Variants in NEGR1 observed in about 807,000 individuals in gnomAD.
NEGR1 encodes the protein neuronal growth regulator 1, also known as IgLON family member 4.
A neutral mutation model predicts 40.9 loss-of-function variants in NEGR1; 10 were observed. The ratio of observed to expected loss-of-function variants is 0.24; its 90% CI spans 0.15 to 0.42. The LOEUF (loss-of-function observed/expected upper bound fraction) is 0.42, where lower values mean the gene tolerates loss of function less well. NEGR1 is among the 10% of genes least tolerant of loss of function. The pLI, the probability that NEGR1 is intolerant of heterozygous loss-of-function variation, is 1.00. For synonymous variants in NEGR1, 185 were observed against 166.8 expected (o/e 1.11, Z -0.84); for missense variants, 352 against 438.9 (o/e 0.80, Z 1.77).
At position 71,600,482 on chromosome 1, in the gene NEGR1, A is replaced by G. The variant is rs994287370; in HGVS notation, c.789-7514T>C. The stretch of plus-strand genomic sequence containing the variant: ...TGGTAGCTTTCCTGGAGAAGGTGAC[A>G]TCCCCAAGGAGACTGAAGGACTAGG... On this transcript the variant is annotated intron_variant, in intron 5 of 6. Transcript: ENST00000357731. Among the ~76,000 whole-genome samples, 5 of 152,292 alleles carry G rather than the reference A, an allele frequency of 3.3e-5. No homozygotes were observed. The East Asian group carries it at 9.7e-4, about 30-fold the overall frequency.
intron 1 of NEGR1, among the ~76,000 whole-genome samples, chr1:71,977,933 T>C (rs1646321252): frequency 6.6e-6 from 1 of 152,162 alleles, no homozygotes; most frequent in Non-Finnish European, 1.5e-5. Context: ...GTCTCCTCAG[T>C]TGCTGCTAAT....
chr1:71,972,817 G>A (rs1221524134), intron 1 of NEGR1, among the ~76,000 whole-genome samples: 1 of 152,062 alleles, frequency 6.6e-6, no homozygotes, highest in African/African-American at 2.4e-5. Context: ...TTCCCCAGTT[G>A]ATTCTTCACT....
At chr1:72,218,974 C>T (rs1653919633) in intron 1 of NEGR1, among the ~76,000 whole-genome samples, 1 of 151,972 alleles carries the variant, frequency 6.6e-6, no homozygotes, top group African/African-American at 2.4e-5. Context: ...TAGGACTGAC[C>T]AGGGCACTCT....
intron 6 of NEGR1, among the ~76,000 whole-genome samples, chr1:71,532,093 A>G (rs953180256): frequency 4.6e-5 from 7 of 151,552 alleles, no homozygotes; most frequent in Non-Finnish European, 1.0e-4. Flanking sequence ...AATCCCTATG[A>G]ACTTTTCAAA....
chr1:71,838,999 A>C (rs542748389), intron 2 of NEGR1, among the ~76,000 whole-genome samples: 1 of 152,226 alleles, frequency 6.6e-6, no homozygotes, highest in East Asian at 1.9e-4. Context: ...AAGTTCTTAT[A>C]GTAATCATCA....
chr1:71,782,579 T>G (rs1283414709), intron 2 of NEGR1, among the ~76,000 whole-genome samples: 2 of 152,128 alleles, frequency 1.3e-5, no homozygotes, highest in African/African-American at 4.8e-5. Context: ...GTTGTGTGCT[T>G]TATTCAACAG....
At chr1:71,821,722 G>C (rs978678550) in intron 2 of NEGR1, among the ~76,000 whole-genome samples, 1 of 152,002 alleles carries the variant, frequency 6.6e-6, no homozygotes, top group Non-Finnish European at 1.5e-5. Flanking sequence ...CGGACCTGTA[G>C]ACATCATGAC....
intron 3 of NEGR1, among the ~76,000 whole-genome samples, chr1:71,756,397 AAAAC>A (rs1373691029): frequency 9.5e-5 from 7 of 73,964 alleles, no homozygotes; most frequent in East Asian, 1.1e-3. Context: ...AAAAAAACAA[AAAAC>A]AAAAACAAAC....
chr1:71,729,213 C>A (rs1654774023), intron 3 of NEGR1, among the ~76,000 whole-genome samples: 1 of 152,004 alleles, frequency 6.6e-6, no homozygotes, highest in Admixed American at 6.6e-5. Context: ...CAGTTGTGTG[C>A]AAAATTTCTC....
chr1:71,978,473 T>G (rs1646325704), intron 1 of NEGR1, among the ~76,000 whole-genome samples: 1 of 152,034 alleles, frequency 6.6e-6, no homozygotes, highest in Non-Finnish European at 1.5e-5. Flanking sequence ...AAATACAAAT[T>G]ATGGCCCTGA....
At chr1:72,152,942 G>C (rs1651180638) in intron 1 of NEGR1, among the ~76,000 whole-genome samples, 1 of 151,826 alleles carries the variant, frequency 6.6e-6, no homozygotes, top group Non-Finnish European at 1.5e-5. Context: ...AGGCACACAT[G>C]AACATCAATA....
chr1:72,171,354 A>G (rs1651957740), intron 1 of NEGR1, among the ~76,000 whole-genome samples: 1 of 152,316 alleles, frequency 6.6e-6, no homozygotes, highest in Admixed American at 6.5e-5. Context: ...ACAGACGCTC[A>G]TGGTGTAAGA....
intron 6 of NEGR1, among the ~76,000 whole-genome samples, chr1:71,447,829 A>C (rs1646593406): frequency 6.6e-6 from 1 of 152,238 alleles, no homozygotes; most frequent in African/African-American, 2.4e-5. Context: ...TGAATGAATG[A>C]ATGAAATATT....
chr1:71,557,048 T>C (rs1035534044), intron 6 of NEGR1, among the ~76,000 whole-genome samples: 1 of 151,648 alleles, frequency 6.6e-6, no homozygotes, highest in Non-Finnish European at 1.5e-5. Context: ...AAACATTCTA[T>C]GGATTTATTT....
chr1:71,629,394 G>A (rs942791128), intron 4 of NEGR1, among the ~76,000 whole-genome samples: 5 of 151,934 alleles, frequency 3.3e-5, no homozygotes, highest in African/African-American at 1.2e-4. Context: ...ATTTGTTTGT[G>A]TCTTCTCTTA....
chr1:71,721,169 C>T (rs1043537628), intron 3 of NEGR1, among the ~76,000 whole-genome samples: 4 of 152,010 alleles, frequency 2.6e-5, no homozygotes, highest in African/African-American at 9.7e-5. Flanking sequence ...GCTTGGCCAC[C>T]CACCTACCCT....
chr1:71,857,505 A>G (rs1172435314), intron 2 of NEGR1, among the ~76,000 whole-genome samples: 3 of 149,912 alleles, frequency 2.0e-5, no homozygotes, highest in African/African-American at 7.4e-5. Context: ...GCACACACCT[A>G]TAGTCCCAGC....
intron 1 of NEGR1, among the ~76,000 whole-genome samples, chr1:72,248,607 T>TATTATTATTATC (rs1654984988): frequency 6.8e-6 from 1 of 147,126 alleles, no homozygotes; most frequent in African/African-American, 2.5e-5. Context: ...TTATTATTAT[T>TATTATTATTATC]ATTATTATTT....
Position 72,270,228 on chromosome 1 carries a change from T to C in NEGR1, c.176+12091A>G, listed in dbSNP as rs537192753. Reference sequence around the variant, plus strand: ...GTGAATGTATGTCATATATGGTAGATGTTCTGGGACTGTGGATTCAATCTG... The same window carrying C: ...GTGAATGTATGTCATATATGGTAGACGTTCTGGGACTGTGGATTCAATCTG... On this transcript the variant is annotated intron_variant, in intron 1 of 6. Coordinates refer to ENST00000357731, the MANE Select transcript of NEGR1 (RefSeq NM_173808.3). Among the ~76,000 whole-genome samples the C allele has an allele frequency of 5.3e-5, 8 of 151,976 alleles. No individual in the cohort carries two copies. In the South Asian group the frequency reaches 1.7e-3, roughly 31 times the overall value.
Sources: gnomAD v4.1 joint callset for allele counts (sites outside exome capture counted in the v4.1 genomes callset) on GRCh38, gnomAD v4.1.1 for gene constraint, MANE v1.5 for transcripts, NCBI Gene and HGNC (gene_info 2026-07-23, HGNC 2026-07-21) for gene names.